ACOXL: variants seen among roughly 807,000 people sequenced by gnomAD.
ACOXL encodes the protein acyl-coenzyme A oxidase-like protein.
ACOXL carries 70 observed loss-of-function variants against 71.9 expected under a neutral mutation model. The ratio of observed to expected loss-of-function variants is 0.97; its 90% CI spans 0.80 to 1.19. The LOEUF (loss-of-function observed/expected upper bound fraction) is 1.19. ACOXL is among the 50% of genes most tolerant of loss of function. The probability of loss-of-function intolerance (pLI) is 0.00; values close to 1 mark genes in which losing one functional copy is unlikely to be tolerated. For synonymous variants in ACOXL, 253 were observed against 281.6 expected, an observed-to-expected ratio of 0.90 and a Z score of 1.02; for missense variants, 703 against 736.3, an observed-to-expected ratio of 0.95 and a Z score of 0.52.
At position 110,746,626 on chromosome 2, in the gene ACOXL, G is replaced by A. The variant is rs190795469; in HGVS notation, c.-23+13852G>A. ...TTGTTGAAGACGATGAGTTTGCACC[G>A]TAGACGCCTGCAGAATTGGTGCACA... On this transcript the variant is annotated intron_variant, in intron 1 of 17. Coordinates refer to ENST00000439055, the MANE Select transcript of ACOXL (RefSeq NM_001142807.4). 9.9e-4 allele frequency among the ~76,000 whole-genome samples: 151 copies of A among 152,194 alleles called. 1 individual carries two copies. Among genetic ancestry groups the A allele is most frequent in the African/African-American group, 3.3e-3 (137 of 41,502 alleles).
In ACOXL at chr2:110,846,641, G is replaced by GCACACACACACACACACACACACACACA. The variant is rs61028803; in HGVS notation, c.788+5243_788+5270dup. ...TGTGAGCATGCAAGTATGCATACACGCACACACACACACACACACACACAC... is the reference window on the plus strand; with the variant it reads ...TGTGAGCATGCAAGTATGCATACACGCACACACACACACACACACACACACACACACACACACACACACACACACACAC... On this transcript the variant is annotated intron_variant, in intron 10 of 17. Transcript: ENST00000439055. 1.2e-3 allele frequency among the ~76,000 whole-genome samples: 160 copies of GCACACACACACACACACACACACACACA among 138,018 alleles called. 3 individuals are homozygous for GCACACACACACACACACACACACACACA. Among genetic ancestry groups the GCACACACACACACACACACACACACACA allele is most frequent in the Non-Finnish European group, 1.9e-3 (123 of 64,340 alleles). 90.5% of individuals were successfully genotyped at this position (138,018 alleles called of 152,430 possible). A position where few individuals can be genotyped will look rare whatever the true frequency, so the allele number is the denominator to read the frequency against.
intron 1 of ACOXL, among the ~76,000 whole-genome samples, chr2:110,737,728 T>A (rs58569659): frequency 0.025 from 3,804 of 152,260 alleles, 71 homozygotes; most frequent in East Asian, 0.056. Context: ...CTCCTGCCCC[T>A]CATGGACACA....
intron 9 of ACOXL, among the ~76,000 whole-genome samples, chr2:110,820,771 A>G (rs115115832): frequency 5.3e-4 from 81 of 152,254 alleles, no homozygotes; most frequent in Middle Eastern, 6.8e-3. Context: ...AGGAAATTAG[A>G]TGGTTGGGTT....
At chr2:111,011,596 C>T (rs572698521) in intron 14 of ACOXL, among the ~76,000 whole-genome samples, 6 of 152,098 alleles carry the variant, frequency 3.9e-5, no homozygotes, top group Admixed American at 3.3e-4. Flanking sequence ...AGGAATGTTA[C>T]CAGGGACCAG....
intron 9 of ACOXL, among the ~76,000 whole-genome samples, chr2:110,831,244 C>A (rs1689791272): frequency 6.6e-6 from 1 of 152,168 alleles, no homozygotes; most frequent in African/African-American, 2.4e-5. Flanking sequence ...CCCGAGGAAC[C>A]TACACCCCCA....
rs2069233825 is a variant in ACOXL, at chr2:111,102,497, T to TTG, written c.1542+9533_1542+9534dup. Among the ~76,000 whole-genome samples, 3 of 152,310 alleles carry TTG rather than the reference T, an allele frequency of 2.0e-5. No individual in the cohort carries two copies. The South Asian group carries it at 6.2e-4, about 32-fold the overall frequency. On this transcript the variant is annotated intron_variant, in intron 17 of 17. Coordinates refer to ENST00000439055, the MANE Select transcript of ACOXL (RefSeq NM_001142807.4). ...CCTCTGAGTTTCTCTGGCAGCTGCA[T>TTG]TGTCCTGGTCTCCTTGGGGAGATGC...
At chr2:110,843,031 C>G (rs1303233718) in intron 10 of ACOXL, among the ~76,000 whole-genome samples, 4 of 152,172 alleles carry the variant, frequency 2.6e-5, no homozygotes, top group Admixed American at 2.6e-4. Context: ...ATGGTGCGCA[C>G]ACGGACCCCT....
chr2:110,899,559 C>G lies in ACOXL; in HGVS notation c.789-9230C>G, dbSNP rs115229174. 9.7e-3 allele frequency among the ~76,000 whole-genome samples: 1,479 copies of G among 152,252 alleles called. 27 individuals are homozygous for G. The highest frequency in any genetic ancestry group is 0.033 in the African/African-American group (1,390 of 41,544). ...TACTTTTATGGCCAAGGTGCTGGGG[C>G]TTCTGCAAGATCTCTGCAGTGGTGC... is the stretch of plus-strand genomic sequence containing the variant. On this transcript the variant is annotated intron_variant, in intron 10 of 17. Transcript: ENST00000439055.
chr2:110,993,485 T>TA (rs1231298972), intron 13 of ACOXL, among the ~76,000 whole-genome samples: 3 of 152,264 alleles, frequency 2.0e-5, no homozygotes, highest in Non-Finnish European at 2.9e-5. Flanking sequence ...CTTTTCATTA[T>TA]TGTAGTATTT....
rs958762784 is a variant in ACOXL, at chr2:111,013,640, A to G, written c.1281+17636A>G. 5.3e-5 allele frequency among the ~76,000 whole-genome samples: 8 copies of G among 152,070 alleles called. No individual in the cohort carries two copies. In the South Asian group the frequency reaches 1.7e-3, roughly 32 times the overall value. On this transcript the variant is annotated intron_variant, in intron 14 of 17. Coordinates refer to ENST00000439055, the MANE Select transcript of ACOXL (RefSeq NM_001142807.4). ...TCTTTCTTTTCTATTTTATTCCATA[A>G]CAACAACGTTTCAGTCAAAATGAAT...
intron 1 of ACOXL, among the ~76,000 whole-genome samples, chr2:110,745,946 T>G (rs1171869903): frequency 6.6e-6 from 1 of 152,186 alleles, no homozygotes; most frequent in Non-Finnish European, 1.5e-5. Flanking sequence ...CTGGAGAGTC[T>G]CCTGTCACCT....
intron 16 of ACOXL, among the ~76,000 whole-genome samples, chr2:111,067,788 A>G (rs780024093): frequency 6.6e-4 from 101 of 152,368 alleles, no homozygotes; most frequent in Non-Finnish European, 1.3e-3. Flanking sequence ...TTCTACAAAT[A>G]TTTATTGAGC....
At chr2:111,063,451 C>T (rs542160427) in intron 16 of ACOXL, among the ~76,000 whole-genome samples, 69 of 152,108 alleles carry the variant, frequency 4.5e-4, no homozygotes, top group African/African-American at 1.3e-3. Context: ...GCTCTGAAGA[C>T]GCAAGGCTGG....
chr2:110,847,155 T>A (rs1375521780), intron 10 of ACOXL, among the ~76,000 whole-genome samples: 1 of 151,694 alleles, frequency 6.6e-6, no homozygotes, highest in African/African-American at 2.4e-5. Flanking sequence ...ACCCACACAG[T>A]GGGGAACAAT....
intron 5 of ACOXL, among the ~76,000 whole-genome samples, chr2:110,797,044 C>T (rs1685368922): frequency 6.6e-6 from 1 of 152,236 alleles, no homozygotes; most frequent in Non-Finnish European, 1.5e-5. Context: ...GGGCTCCCAA[C>T]TTGCCCCAGG....
chr2:111,078,326 G>A (rs191858472), intron 16 of ACOXL, among the ~76,000 whole-genome samples: 58 of 152,068 alleles, frequency 3.8e-4, no homozygotes, highest in African/African-American at 1.2e-3. Context: ...GTGCAATGGC[G>A]CGATGTCAGC....
intron 12 of ACOXL, among the ~76,000 whole-genome samples, chr2:110,957,913 G>T (rs2149435355): frequency 6.6e-6 from 1 of 151,952 alleles, no homozygotes; most frequent in Non-Finnish European, 1.5e-5. Context: ...AAAAAAAAAG[G>T]CGGGCATGGT....
chr2:110,770,385 A>G (rs1407174918), intron 2 of ACOXL, among the ~76,000 whole-genome samples: 1 of 152,192 alleles, frequency 6.6e-6, no homozygotes, highest in African/African-American at 2.4e-5. Context: ...ACAAGGACCA[A>G]TCCTGGAGTC....
At chr2:110,751,327 A>T (rs924037959) in intron 1 of ACOXL, among the ~76,000 whole-genome samples, 1 of 150,814 alleles carries the variant, frequency 6.6e-6, no homozygotes, top group Non-Finnish European at 1.5e-5. Flanking sequence ...AAAAAAATTT[A>T]GACATGCACA....
Sources: allele counts gnomAD v4.1 joint callset (sites outside exome capture counted in the v4.1 genomes callset), GRCh38; gene constraint gnomAD v4.1.1; transcripts MANE v1.5; gene names NCBI Gene and HGNC (gene_info 2026-07-23, HGNC 2026-07-21).